CTNND2: variants seen among roughly 807,000 people sequenced by gnomAD.
CTNND2 encodes catenin delta 2, also known as catenin delta-2.
In CTNND2, 22 loss-of-function variants were observed where a neutral mutation model predicts 144.4. That is an observed-to-expected ratio of 0.15 (90% CI 0.11 to 0.22). The LOEUF (loss-of-function observed/expected upper bound fraction) is 0.22. Among genes scored for constraint, CTNND2 ranks in the 10% least tolerant of loss-of-function variants. The pLI, the probability that CTNND2 is intolerant of heterozygous loss-of-function variation, is 1.00. For synonymous variants in CTNND2, 751 were observed against 695.6 expected, an observed-to-expected ratio of 1.08 and a Z score of -1.25; for missense variants, 1,353 against 1,618.8, an observed-to-expected ratio of 0.84 and a Z score of 2.82.
intron 12 of CTNND2, among the ~76,000 whole-genome samples, chr5:11,146,312 A>G (rs1580415434): frequency 6.6e-6 from 1 of 152,130 alleles, no homozygotes; most frequent in Admixed American, 6.5e-5. Context: ...CGGCTGCTCC[A>G]ATTATCTAGG....
chr5:11,701,678 T>C (rs1785439905), intron 2 of CTNND2, among the ~76,000 whole-genome samples: 1 of 142,308 alleles, frequency 7.0e-6, no homozygotes, highest in Non-Finnish European at 1.5e-5. Context: ...TAAGAAAGAA[T>C]GAGAAAGAAG....
intron 9 of CTNND2, among the ~76,000 whole-genome samples, chr5:11,239,809 G>A (rs1252396598): frequency 1.3e-5 from 2 of 152,084 alleles, no homozygotes; most frequent in Admixed American, 6.5e-5. Flanking sequence ...GGGGAATCCC[G>A]TCCCAACTCC....
chr5:11,790,816 T>C (rs7714716), intron 1 of CTNND2, among the ~76,000 whole-genome samples: 14,566 of 152,166 alleles, frequency 0.096, 1,894 homozygotes, highest in African/African-American at 0.29. Context: ...CACCATGTGG[T>C]AGGGTCAGGA....
At chr5:11,758,019 C>A (rs960949220) in intron 1 of CTNND2, among the ~76,000 whole-genome samples, 1 of 151,734 alleles carries the variant, frequency 6.6e-6, no homozygotes, top group African/African-American at 2.4e-5. Context: ...TTGATTAGAC[C>A]CCAGAATAGT....
intron 9 of CTNND2, among the ~76,000 whole-genome samples, chr5:11,237,449 T>C (rs1289775529): frequency 2.0e-5 from 3 of 152,340 alleles, no homozygotes; most frequent in African/African-American, 7.2e-5. Flanking sequence ...AAATAGCATA[T>C]GATTTTAATA....
intron 3 of CTNND2, among the ~76,000 whole-genome samples, chr5:11,531,482 C>T (rs1242983161): frequency 6.6e-6 from 1 of 152,080 alleles, no homozygotes; most frequent in Non-Finnish European, 1.5e-5. Context: ...AAAAATTACC[C>T]GTGCATGGTG....
intron 15 of CTNND2, among the ~76,000 whole-genome samples, chr5:11,093,135 T>C (rs1325605663): frequency 6.6e-6 from 1 of 152,190 alleles, no homozygotes; most frequent in African/African-American, 2.4e-5. Flanking sequence ...AAATGGCAAA[T>C]AACAGATGCT....
At chr5:11,489,292 G>T (rs1769159420) in intron 3 of CTNND2, among the ~76,000 whole-genome samples, 1 of 152,066 alleles carries the variant, frequency 6.6e-6, no homozygotes, top group Non-Finnish European at 1.5e-5. Context: ...TTCCCCAGTG[G>T]TTAACGATAT....
At chr5:11,149,136 C>T (rs1274689904) in intron 12 of CTNND2, among the ~76,000 whole-genome samples, 1 of 152,218 alleles carries the variant, frequency 6.6e-6, no homozygotes, top group African/African-American at 2.4e-5. Context: ...CCTGGCAGGC[C>T]TCAAAAGGAC....
chr5:11,649,352 C>T (rs1190183819), intron 2 of CTNND2, among the ~76,000 whole-genome samples: 1 of 152,130 alleles, frequency 6.6e-6, no homozygotes, highest in Non-Finnish European at 1.5e-5. Flanking sequence ...GAGTCTCGCT[C>T]TGTCACCCAG....
intron 21 of CTNND2, among the ~76,000 whole-genome samples, chr5:10,976,591 C>T (rs137958891): frequency 2.3e-4 from 35 of 152,326 alleles, no homozygotes; most frequent in Non-Finnish European, 4.4e-4. Flanking sequence ...AATATGCTCA[C>T]GCTCTCTGCG....
chr5:11,462,736 T>C (rs189699526), intron 3 of CTNND2, among the ~76,000 whole-genome samples: 60 of 152,312 alleles, frequency 3.9e-4, no homozygotes, highest in African/African-American at 1.4e-3. Flanking sequence ...GCTGTTGTTG[T>C]TGTTTTTAAT....
intron 1 of CTNND2, among the ~76,000 whole-genome samples, chr5:11,887,089 T>G (rs2127088054): frequency 6.8e-6 from 1 of 146,968 alleles, no homozygotes; most frequent in East Asian, 2.2e-4. Flanking sequence ...GTTCACTCCA[T>G]TCTTCTGCCT....
intron 3 of CTNND2, among the ~76,000 whole-genome samples, chr5:11,427,262 AT>A (rs1177768281): frequency 7.0e-6 from 1 of 142,126 alleles, no homozygotes; most frequent in Admixed American, 7.1e-5. Flanking sequence ...CTTTAAACGC[AT>A]TTTCCCATAT....
At chr5:11,418,280 C>G (rs150503421) in intron 3 of CTNND2, among the ~76,000 whole-genome samples, 1,810 of 152,164 alleles carry the variant, frequency 0.012, 67 homozygotes, top group East Asian at 0.11. Context: ...GTGGCGCATG[C>G]CTGTAATCCC....
chr5:11,514,336 C>T lies in CTNND2; in HGVS notation c.287+50608G>A, dbSNP rs145743157. On this transcript the variant is annotated intron_variant, in intron 3 of 21. Coordinates refer to ENST00000304623, the MANE Select transcript of CTNND2 (RefSeq NM_001332.4). ...ACCTGGCTACATATCCAAGGTAATC[C>T]AGGTTTAAAAAAATAATGTTCTACA... Among the ~76,000 whole-genome samples, 621 of 151,860 alleles carry T rather than the reference C, an allele frequency of 4.1e-3. 5 individuals are homozygous for T. The highest frequency in any genetic ancestry group is 0.014 in the African/African-American group (592 of 41,404).
chr5:11,422,948 T>G (rs1179359847), intron 3 of CTNND2, among the ~76,000 whole-genome samples: 1 of 152,240 alleles, frequency 6.6e-6, no homozygotes, highest in Non-Finnish European at 1.5e-5. Flanking sequence ...TCCCGGAAGC[T>G]TCTCATGCAT....
In CTNND2 at chr5:10,981,770, T is replaced by C. The variant is rs761342342; in HGVS notation, c.3417+3A>G. The stretch of plus-strand genomic sequence containing the variant: ...AAATACAAACGTGTTGCATTTACTT[T>C]ACCTGGTTGTGTTTGATGTCTTCAG... On this transcript the variant is annotated splice_donor_region_variant and intron_variant, in intron 21 of 21. Transcript: ENST00000304623. The C allele has an allele frequency of 1.2e-6, 2 of 1,611,818 alleles. No individual in the cohort carries two copies. The highest frequency in any genetic ancestry group is 4.5e-5 in the East Asian group (2 of 44,872).
chr5:11,218,767 T>C lies in CTNND2; in HGVS notation c.1761+17924A>G, dbSNP rs147671975. On this transcript the variant is annotated intron_variant, in intron 10 of 21. Transcript: ENST00000304623. ...AATAAGCCATCTGTATAGAGAGGTG[T>C]TGCGAGCCAGGAGACCAGCCTCTGT... 3.6e-3 allele frequency among the ~76,000 whole-genome samples: 547 copies of C among 152,314 alleles called. 6 individuals are homozygous for C. The highest frequency in any genetic ancestry group is 0.013 in the African/African-American group (520 of 41,574).
Sources: allele counts gnomAD v4.1 joint callset (sites outside exome capture counted in the v4.1 genomes callset), GRCh38; gene constraint gnomAD v4.1.1; transcripts MANE v1.5; gene names NCBI Gene and HGNC (gene_info 2026-07-23, HGNC 2026-07-21).